Variants in IRAK2 observed in about 807,000 individuals in gnomAD.
The protein encoded by IRAK2 is interleukin-1 receptor-associated kinase-like 2.
A neutral mutation model predicts 72.0 loss-of-function variants in IRAK2; 57 were observed. The ratio of observed to expected loss-of-function variants is 0.79; its 90% CI spans 0.64 to 0.99. IRAK2 has a LOEUF of 0.99. IRAK2 is among the 50% of genes least tolerant of loss of function. The pLI, the probability that IRAK2 is intolerant of heterozygous loss-of-function variation, is 0.00. For synonymous variants in IRAK2, 293 were observed against 312.7 expected, an observed-to-expected ratio of 0.94 and a Z score of 0.67; for missense variants, 790 against 794.4, an observed-to-expected ratio of 0.99 and a Z score of 0.07.
intron 3 of IRAK2, among the ~76,000 whole-genome samples, chr3:10,201,472 C>T (rs1429399213): frequency 6.6e-6 from 1 of 152,266 alleles, no homozygotes; most frequent in Non-Finnish European, 1.5e-5. Context: ...TCACAGTCTG[C>T]TGAAGCCCAG....
At chr3:10,235,621 C>A (rs1697944494) in intron 11 of IRAK2, among the ~76,000 whole-genome samples, 1 of 152,058 alleles carries the variant, frequency 6.6e-6, no homozygotes, top group African/African-American at 2.4e-5. Flanking sequence ...AGGTGCAGGC[C>A]CCCACCTGTG....
intron 6 of IRAK2, among the ~76,000 whole-genome samples, chr3:10,215,978 G>A (rs138719755): frequency 6.6e-5 from 10 of 152,276 alleles, no homozygotes; most frequent in African/African-American, 2.2e-4. Context: ...GGTCCAGTGG[G>A]GAGACTGACA....
At chr3:10,225,865 A>AT (rs1161652299) in intron 9 of IRAK2, among the ~76,000 whole-genome samples, 2 of 151,732 alleles carry the variant, frequency 1.3e-5, no homozygotes, top group African/African-American at 4.8e-5. Flanking sequence ...CGCCTGGCTC[A>AT]TTTTTTTGTA....
intron 1 of IRAK2, among the ~76,000 whole-genome samples, chr3:10,170,837 C>T (rs1330109903): frequency 6.6e-6 from 1 of 152,214 alleles, no homozygotes; most frequent in Non-Finnish European, 1.5e-5. Context: ...GTGCCTCCGG[C>T]CCACTGCTCC....
chr3:10,207,885 C>T (rs549636822), intron 3 of IRAK2, among the ~76,000 whole-genome samples: 8 of 150,948 alleles, frequency 5.3e-5, no homozygotes, highest in African/African-American at 4.9e-5. Flanking sequence ...CCAGCTACTT[C>T]GTAGGCTGAG....
intron 7 of IRAK2, among the ~76,000 whole-genome samples, chr3:10,218,407 A>C (rs1260468431): frequency 6.8e-6 from 1 of 146,748 alleles, no homozygotes; most frequent in Non-Finnish European, 1.5e-5. Context: ...CTGGGCGACA[A>C]AGTGAGACTC....
intron 3 of IRAK2, 129 bp from the exon 4 acceptor site, chr3:10,209,460 T>A: frequency 1.9e-6 from 1 of 528,714 alleles, no homozygotes; most frequent in South Asian, 4.1e-5. Flanking sequence ...ACATGGTGGG[T>A]GTCAGGAATT....
At chr3:10,180,089 C>A (rs1696937816) in intron 2 of IRAK2, among the ~76,000 whole-genome samples, 1 of 152,166 alleles carries the variant, frequency 6.6e-6, no homozygotes. Flanking sequence ...GCTGGTAATA[C>A]CTCCCTACCC....
chr3:10,212,096 T>A (rs1455024181), intron 4 of IRAK2, among the ~76,000 whole-genome samples: 1 of 141,234 alleles, frequency 7.1e-6, no homozygotes, highest in Non-Finnish European at 1.6e-5. Flanking sequence ...AAAAAAAAAA[T>A]TACGTACATG....
chr3:10,215,212 C>A (rs1409475399), intron 6 of IRAK2, among the ~76,000 whole-genome samples: 2 of 150,822 alleles, frequency 1.3e-5, no homozygotes, highest in Non-Finnish European at 2.9e-5. Flanking sequence ...CATGGCGAAA[C>A]CTCATCTCTA....
intron 3 of IRAK2, among the ~76,000 whole-genome samples, chr3:10,205,058 T>A (rs1697415505): frequency 6.6e-6 from 1 of 152,180 alleles, no homozygotes; most frequent in Non-Finnish European, 1.5e-5. Context: ...AAGAGCATAA[T>A]GACCCTCCAT....
intron 10 of IRAK2, 69 bp from the exon 11 acceptor site, chr3:10,234,390 T>G: frequency 7.6e-7 from 1 of 1,321,704 alleles, no homozygotes; most frequent in Non-Finnish European, 1.1e-6. Context: ...TGGAGGTGAG[T>G]GGGGCGCGTG....
chr3:10,221,848 T>C (rs1034130490), intron 8 of IRAK2, among the ~76,000 whole-genome samples: 1 of 152,010 alleles, frequency 6.6e-6, no homozygotes, highest in Admixed American at 6.6e-5. Flanking sequence ...TCTGTACACA[T>C]GTGGCTTAGC....
rs1054909901 is a variant in IRAK2, at chr3:10,211,543, T to A, written c.529-1664T>A. On this transcript the variant is annotated intron_variant, in intron 4 of 12. Transcript: ENST00000256458. ...CTGAGATGAAAGGATCCCTTGAGCC[T>A]GGGAGGTTGAGGCTGCGGTGAGCTG... is the stretch of plus-strand genomic sequence containing the variant. Among the ~76,000 whole-genome samples, 3 of 152,078 alleles carry A rather than the reference T, an allele frequency of 2.0e-5. No individual in the cohort carries two copies. The East Asian group carries it at 5.8e-4, about 30-fold the overall frequency.
chr3:10,239,624 G>A (rs1698021494), intron 12 of IRAK2, among the ~76,000 whole-genome samples: 1 of 152,198 alleles, frequency 6.6e-6, no homozygotes, highest in African/African-American at 2.4e-5. Flanking sequence ...CTACTTGGGA[G>A]GCTGAGGCAA....
chr3:10,207,076 C>T (rs529341907), intron 3 of IRAK2, among the ~76,000 whole-genome samples: 2 of 151,736 alleles, frequency 1.3e-5, no homozygotes, highest in Admixed American at 6.6e-5. Context: ...TGGTCTTAAA[C>T]TCTTTTTGTT....
At chr3:10,197,061 A>T (rs1477668245) in intron 2 of IRAK2, among the ~76,000 whole-genome samples, 1 of 152,084 alleles carries the variant, frequency 6.6e-6, no homozygotes, top group Non-Finnish European at 1.5e-5. Context: ...TGATATGAAT[A>T]AATCACAAAG....
chr3:10,240,648 C>T (rs1698043701), intron 12 of IRAK2, among the ~76,000 whole-genome samples: 1 of 140,044 alleles, frequency 7.1e-6, no homozygotes, highest in Admixed American at 7.7e-5. Flanking sequence ...CAGCCTCCGC[C>T]TCCCGGGTTC....
chr3:10,204,350 G>A (rs11465881), intron 3 of IRAK2, among the ~76,000 whole-genome samples: 1,979 of 152,276 alleles, frequency 0.013, 19 homozygotes, highest in Non-Finnish European at 0.019. Context: ...GGGTAGACCC[G>A]CTGCCAGCAT....
Sources: gnomAD v4.1 joint callset for allele counts (sites outside exome capture counted in the v4.1 genomes callset) on GRCh38, gnomAD v4.1.1 for gene constraint, MANE v1.5 for transcripts, NCBI Gene and HGNC (gene_info 2026-07-23, HGNC 2026-07-21) for gene names.